The following EYA4 variants were observed in gnomAD, a reference collection of about 807,000 sequenced individuals.
EYA4 encodes protein phosphatase EYA4.
A neutral mutation model predicts 87.9 loss-of-function variants in EYA4; 31 were observed. The ratio of observed to expected loss-of-function variants is 0.35; its 90% CI spans 0.27 to 0.48. EYA4 has a LOEUF of 0.48. Ranked by LOEUF, EYA4 falls within the 20% of genes least tolerant of loss-of-function variation. EYA4 has a pLI of 0.99. For synonymous variants in EYA4, 263 were observed against 270.6 expected, an observed-to-expected ratio of 0.97 and a Z score of 0.28; for missense variants, 678 against 761.4, an observed-to-expected ratio of 0.89 and a Z score of 1.29.
chr6:133,486,121 T>C (rs1195508770), intron 13 of EYA4, among the ~76,000 whole-genome samples: 1 of 152,210 alleles, frequency 6.6e-6, no homozygotes, highest in Admixed American at 6.5e-5. Flanking sequence ...AAAGTAAAAG[T>C]GTTTTTAGGC....
At chr6:133,273,649 TTATTA>T (rs1776922234) in intron 1 of EYA4, among the ~76,000 whole-genome samples, 1 of 152,214 alleles carries the variant, frequency 6.6e-6, no homozygotes, top group Non-Finnish European at 1.5e-5. Flanking sequence ...TAAATTGTTT[TTATTA>T]TAATCTTTTA....
chr6:133,351,981 TAAA>T (rs887210162), intron 2 of EYA4, among the ~76,000 whole-genome samples: 3 of 143,420 alleles, frequency 2.1e-5, no homozygotes, highest in Non-Finnish European at 4.5e-5. Flanking sequence ...CATGCTGTGT[TAAA>T]GAAAAAAAAA....
At chr6:133,397,425 C>A (rs770727060) in intron 3 of EYA4, among the ~76,000 whole-genome samples, 33 of 152,132 alleles carry the variant, frequency 2.2e-4, no homozygotes, top group Admixed American at 9.2e-4. Flanking sequence ...TTCCATCTAG[C>A]AAATTCTTGA....
At chr6:133,284,386 C>T (rs1283405795) in intron 2 of EYA4, among the ~76,000 whole-genome samples, 1 of 152,104 alleles carries the variant, frequency 6.6e-6, no homozygotes, top group African/African-American at 2.4e-5. Flanking sequence ...ATTGGCTAGG[C>T]TGGTTTTGAA....
intron 3 of EYA4, among the ~76,000 whole-genome samples, chr6:133,409,639 A>T (rs867294339): frequency 7.9e-5 from 12 of 152,170 alleles, no homozygotes; most frequent in African/African-American, 2.4e-4. Flanking sequence ...AAAATAAAAA[A>T]GTCAAATACA....
chr6:133,343,138 T>C (rs1487236371), intron 2 of EYA4, among the ~76,000 whole-genome samples: 1 of 151,994 alleles, frequency 6.6e-6, no homozygotes, highest in Non-Finnish European at 1.5e-5. Context: ...CCTGGGGAAA[T>C]GGAGGGGTGG....
At chr6:133,446,231 T>A (rs755483931) in intron 3 of EYA4, among the ~76,000 whole-genome samples, 1 of 152,134 alleles carries the variant, frequency 6.6e-6, no homozygotes, top group African/African-American at 2.4e-5. Context: ...TCAGCTTAAA[T>A]TGCCAAGATG....
intron 2 of EYA4, among the ~76,000 whole-genome samples, chr6:133,381,677 G>C (rs1786236391): frequency 6.6e-6 from 1 of 152,020 alleles, no homozygotes; most frequent in Admixed American, 6.6e-5. Context: ...ATACTTTTAA[G>C]ACCATAATAA....
rs1340685327 is a variant in EYA4, at chr6:133,530,610, A to G, written c.*1805A>G. 1 of 985,610 alleles carries G rather than the reference A, an allele frequency of 1.0e-6. No homozygotes were observed. Among genetic ancestry groups the G allele is most frequent in the Admixed American group, 6.1e-5 (1 of 16,264 alleles). The allele number at this position is 985,610 out of a possible 1,614,324, so 61.1% of individuals were successfully genotyped here. Reference sequence around the variant, plus strand: ...CTACATTTTGCTCACAGATCACAACATTCACTGTGGAAATATGATTTCATT... The same window carrying G: ...CTACATTTTGCTCACAGATCACAACGTTCACTGTGGAAATATGATTTCATT... On this transcript the variant is annotated 3_prime_UTR_variant, in exon 20 of 20. Transcript: ENST00000355286.
chr6:133,477,813 GACACACACAC>G lies in EYA4; in HGVS notation c.971-3639_971-3630del, dbSNP rs10538879. On this transcript the variant is annotated intron_variant, in intron 11 of 19. Transcript: ENST00000355286. ...CCGGGTTGGAGTGAGGTTTAAGTCAGACACACACACACACACACACGCATATATATATATA... is the reference window on the plus strand; with the variant it reads ...CCGGGTTGGAGTGAGGTTTAAGTCAGACACACACACGCATATATATATATA... Among the ~76,000 whole-genome samples, 8 of 149,768 alleles carry G rather than the reference GACACACACAC, an allele frequency of 5.3e-5. No homozygotes were observed. The Admixed American group carries it at 5.4e-4, about 10-fold the overall frequency.
rs1800859071 is a variant in EYA4, at chr6:133,529,160, A to G, written c.*355A>G. 1.7e-6 allele frequency: 2 copies of G among 1,174,872 alleles called. No individual in the cohort carries two copies. Among genetic ancestry groups the G allele is most frequent in the South Asian group, 1.7e-5 (1 of 57,714 alleles). 72.8% of individuals were successfully genotyped at this position (1,174,872 alleles called of 1,614,324 possible). A position where few individuals can be genotyped will look rare whatever the true frequency, so the allele number is the denominator to read the frequency against. ...TCCGTCTGACAAGGTGGTCAACAAC[A>G]TTCCTCAAAATGGGAGATCTTCTCA... On this transcript the variant is annotated 3_prime_UTR_variant, in exon 20 of 20. Coordinates refer to ENST00000355286, the MANE Select transcript of EYA4 (RefSeq NM_004100.5).
At chr6:133,445,435 C>G (rs1456437073) in intron 3 of EYA4, among the ~76,000 whole-genome samples, 3 of 152,084 alleles carry the variant, frequency 2.0e-5, no homozygotes, top group African/African-American at 7.2e-5. Context: ...GAAGGTCTTC[C>G]TTTAGTATTT....
chr6:133,500,693 G>A (rs532299121), intron 13 of EYA4, among the ~76,000 whole-genome samples: 23 of 152,178 alleles, frequency 1.5e-4, no homozygotes, highest in Admixed American at 1.3e-3. Context: ...CCCTGGTTCC[G>A]TGCTCCCTCA....
intron 2 of EYA4, among the ~76,000 whole-genome samples, chr6:133,276,870 G>T (rs1777211100): frequency 6.7e-6 from 1 of 148,636 alleles, no homozygotes; most frequent in African/African-American, 2.5e-5. Context: ...TTGCCTTTGG[G>T]TTATGCATAT....
intron 14 of EYA4, among the ~76,000 whole-genome samples, chr6:133,512,395 G>A (rs1799230170): frequency 1.3e-5 from 2 of 152,160 alleles, no homozygotes; most frequent in Admixed American, 1.3e-4. Flanking sequence ...AAATGGCCTG[G>A]AAGGGAACTC....
chr6:133,365,781 G>A (rs1321620946), intron 2 of EYA4, among the ~76,000 whole-genome samples: 1 of 152,070 alleles, frequency 6.6e-6, no homozygotes, highest in Non-Finnish European at 1.5e-5. Flanking sequence ...TTGACTTACT[G>A]ATGAGAAGTT....
intron 2 of EYA4, among the ~76,000 whole-genome samples, chr6:133,380,372 A>G (rs1786081283): frequency 6.6e-6 from 1 of 152,198 alleles, no homozygotes; most frequent in Admixed American, 6.5e-5. Context: ...TACTTTGAGA[A>G]TAAATTAAAA....
chr6:133,299,660 C>T (rs1196438216), intron 2 of EYA4, among the ~76,000 whole-genome samples: 2 of 151,030 alleles, frequency 1.3e-5, no homozygotes, highest in East Asian at 1.9e-4. Flanking sequence ...TGTAGTGATC[C>T]GAGATCGCGC....
chr6:133,358,172 T>C (rs1204031861), intron 2 of EYA4, among the ~76,000 whole-genome samples: 1 of 152,186 alleles, frequency 6.6e-6, no homozygotes, highest in East Asian at 1.9e-4. Context: ...ACTAGTTTAA[T>C]AGAAACCCAA....
Sources: gnomAD v4.1 joint callset for allele counts (sites outside exome capture counted in the v4.1 genomes callset) on GRCh38, gnomAD v4.1.1 for gene constraint, MANE v1.5 for transcripts, NCBI Gene and HGNC (gene_info 2026-07-23, HGNC 2026-07-21) for gene names.